LY75: variants seen among roughly 807,000 people sequenced by gnomAD.
LY75 encodes lymphocyte antigen 75, also known as C-type lectin domain family 13 member B.
A neutral mutation model predicts 231.7 loss-of-function variants in LY75; 185 were observed. The ratio of observed to expected loss-of-function variants is 0.80; its 90% CI spans 0.71 to 0.90. The LOEUF is 0.90. Among genes scored for constraint, LY75 ranks in the 40% least tolerant of loss-of-function variants. LY75 has a pLI of 0.00. For synonymous variants in LY75, 668 were observed against 689.0 expected (o/e 0.97, Z 0.48); for missense variants, 1,947 against 2,050.2 (o/e 0.95, Z 0.97).
intron 24 of LY75, 100 bp downstream of exon 24, chr2:159,842,145 T>C: frequency 7.1e-7 from 1 of 1,411,868 alleles, no homozygotes; most frequent in Non-Finnish European, 9.3e-7. Context: ...TTTTTCAACC[T>C]ATGTTCCCCT....
chr2:159,886,275 G>T, intron 5 of LY75, 145 bp downstream of exon 5: 1 of 837,980 alleles, frequency 1.2e-6, no homozygotes, highest in Non-Finnish European at 1.7e-6. Flanking sequence ...AATTAAGAAT[G>T]GTTTAGGAAG....
At chr2:159,896,438 GA>G in intron 2 of LY75, among the ~76,000 whole-genome samples, 1 of 152,200 alleles carries the variant, frequency 6.6e-6, no homozygotes, top group Non-Finnish European at 1.5e-5. Flanking sequence ...AGCCAAGGGG[GA>G]AAGAAAGAAG....
At position 159,882,068 on chromosome 2, in the gene LY75, C is replaced by G. The variant is rs376195618; in HGVS notation, c.1246+56G>C. The G allele has an allele frequency of 3.6e-5, 56 of 1,551,130 alleles. No homozygotes were observed. In the East Asian group the frequency reaches 1.2e-3, roughly 34 times the overall value. ...TTCATTCCCACAAAGAGTCTAAAAC[C>G]AGGGATACTTTAAAATGGCTTAAGC... On this transcript the variant is annotated intron_variant, in intron 7 of 34. Coordinates refer to ENST00000263636, the MANE Select transcript of LY75 (RefSeq NM_002349.4).
chr2:159,875,767 G>T, intron 11 of LY75, 124 bp from the exon 12 acceptor site: 2 of 1,189,764 alleles, frequency 1.7e-6, no homozygotes, highest in Middle Eastern at 2.9e-4. Context: ...GGAACAAAGA[G>T]AGGAAAGAAA....
intron 2 of LY75, 112 bp from the exon 3 acceptor site, chr2:159,894,196 C>T (rs1441072960): frequency 3.1e-6 from 4 of 1,299,070 alleles, no homozygotes; most frequent in Middle Eastern, 2.3e-4. Flanking sequence ...ATACAATATC[C>T]GAGTGTAGGA....
chr2:159,842,316 G>A lies in LY75; in HGVS notation c.3209C>T (p.Pro1070Leu), dbSNP rs751044443. ...TGTAAAATTCCACGTCCCAGTAAAC[G>A]GTGATTTTTGGAGGTTGAGTATTAG... ...CALILNLQKSPFTGTWNFTSC... is the reference protein window; with the variant it reads ...CALILNLQKSLFTGTWNFTSC... The change falls in exon 24 of 35, where the codon CCG (proline) becomes CTG (leucine). Residue 1070 changes from proline to leucine, a missense_variant. Transcript: ENST00000263636. 2.5e-5 allele frequency: 41 copies of A among 1,612,482 alleles called. No homozygotes were observed. The South Asian group carries it at 2.6e-4, about 10-fold the overall frequency.
chr2:159,887,808 A>C (rs143797209), intron 4 of LY75, among the ~76,000 whole-genome samples: 158 of 152,286 alleles, frequency 1.0e-3, no homozygotes, highest in African/African-American at 3.6e-3. Flanking sequence ...AAGGTCCTTT[A>C]CCATATTACA....
intron 3 of LY75, among the ~76,000 whole-genome samples, chr2:159,890,733 T>G (rs1440877049): frequency 6.6e-6 from 1 of 152,078 alleles, no homozygotes; most frequent in Non-Finnish European, 1.5e-5. Context: ...CATTTGAACA[T>G]AGTGGCAGAT....
intron 33 of LY75, chr2:159,807,685 A>G: frequency 3.1e-6 from 3 of 981,546 alleles, no homozygotes; most frequent in South Asian, 4.7e-5. Context: ...TTAGATGGAC[A>G]ACTTGGAATC....
Position 159,858,046 on chromosome 2 carries a change from C to T in LY75, c.2383+316G>A, listed in dbSNP as rs78135912. On this transcript the variant is annotated intron_variant, in intron 16 of 34. Coordinates refer to ENST00000263636, the MANE Select transcript of LY75 (RefSeq NM_002349.4). ...TTTTCATTTTGCATCAAAATAAAAA[C>T]GAAAATGATTCTGCATTTCTCCTTT... Among the ~76,000 whole-genome samples the T allele has an allele frequency of 4.7e-4, 71 of 152,208 alleles. No homozygotes were observed. The East Asian group carries it at 8.3e-3, about 18-fold the overall frequency.
At chr2:159,889,153 A>T (rs1309901245) in intron 4 of LY75, among the ~76,000 whole-genome samples, 1 of 152,216 alleles carries the variant, frequency 6.6e-6, no homozygotes, top group African/African-American at 2.4e-5. Flanking sequence ...TACTGAGTAC[A>T]TAAAAGAAGT....
chr2:159,886,963 G>A (rs945939420), intron 4 of LY75, among the ~76,000 whole-genome samples: 5 of 151,722 alleles, frequency 3.3e-5, no homozygotes, highest in Admixed American at 2.0e-4. Flanking sequence ...CAGGTTCTAG[G>A]GATGTAAAAA....
intron 31 of LY75, among the ~76,000 whole-genome samples, chr2:159,811,543 T>C (rs572177356): frequency 1.3e-5 from 2 of 152,348 alleles, no homozygotes; most frequent in Non-Finnish European, 2.9e-5. Flanking sequence ...CAGTCAGTAA[T>C]CTCAACCCAA....
chr2:159,844,266 T>C (rs1253951077), intron 23 of LY75, among the ~76,000 whole-genome samples: 4 of 146,654 alleles, frequency 2.7e-5, no homozygotes, highest in Admixed American at 2.7e-4. Context: ...AACAAGAATG[T>C]AAAATGGTTT....
chr2:159,877,028 A>G (rs141173763), intron 11 of LY75, among the ~76,000 whole-genome samples: 65 of 117,162 alleles, frequency 5.5e-4, no homozygotes, highest in South Asian at 3.6e-3. Flanking sequence ...AAAAAAAAAA[A>G]AAAAAAGAAA....
intron 23 of LY75, among the ~76,000 whole-genome samples, chr2:159,843,850 G>T (rs1684116347): frequency 6.6e-6 from 1 of 152,090 alleles, no homozygotes; most frequent in African/African-American, 2.4e-5. Context: ...GAGGAATATG[G>T]TAATTACCCT....
intron 25 of LY75, among the ~76,000 whole-genome samples, chr2:159,837,273 A>G (rs75630252): frequency 0.04 from 6,149 of 152,346 alleles, 188 homozygotes; most frequent in East Asian, 0.13. Flanking sequence ...GATCAAGAAG[A>G]TGTAGCACAT....
rs1411134103 is a variant in LY75, at chr2:159,852,330, T to C, written c.2754A>G (p.Lys918=). 3 of 1,613,598 alleles carry C rather than the reference T, an allele frequency of 1.9e-6. No individual in the cohort carries two copies. The highest frequency in any genetic ancestry group is 2.5e-6 in the Non-Finnish European group (3 of 1,179,822). The stretch of plus-strand genomic sequence containing the variant: ...GCAACTTGGTACTACAGTCTGTTGG[T>C]TTACCTAAGTCTGAGAAATGAAAAG... ...SAKTWLIDLG[K]PTDCSTKLPF... Residue 918 remains lysine, a synonymous_variant, in exon 21 of 35, where the codon AAA becomes AAG. Coordinates refer to ENST00000263636, the MANE Select transcript of LY75 (RefSeq NM_002349.4).
chr2:159,808,063 C>T (rs781305626), intron 33 of LY75: 13 of 978,074 alleles, frequency 1.3e-5, no homozygotes, highest in East Asian at 1.1e-4. Flanking sequence ...TTCTGAATAA[C>T]GAAGTTATAA....
Sources: gnomAD v4.1 joint callset for allele counts (sites outside exome capture counted in the v4.1 genomes callset) on GRCh38, gnomAD v4.1.1 for gene constraint, MANE v1.5 for transcripts, NCBI Gene and HGNC (gene_info 2026-07-23, HGNC 2026-07-21) for gene names.